Variants in LINGO2 observed in about 807,000 individuals in gnomAD.
LINGO2 encodes leucine rich repeat and Ig domain containing 2.
A neutral mutation model predicts 30.6 loss-of-function variants in LINGO2; 14 were observed. The ratio of observed to expected loss-of-function variants is 0.46; its 90% confidence interval spans 0.30 to 0.72. The LOEUF (loss-of-function observed/expected upper bound fraction) is 0.72, where lower values mean the gene tolerates loss of function less well. Among genes scored for constraint, LINGO2 ranks in the 30% least tolerant of loss-of-function variants. LINGO2 has a pLI of 0.07. For synonymous variants in LINGO2, 317 were observed against 288.5 expected (o/e 1.10, Z -1.00); for missense variants, 729 against 751.7 (o/e 0.97, Z 0.35).
intron 4 of LINGO2, among the ~76,000 whole-genome samples, chr9:28,191,961 A>G (rs969852209): frequency 1.3e-5 from 2 of 152,074 alleles, no homozygotes; most frequent in African/African-American, 4.8e-5. Flanking sequence ...TAACATCTAT[A>G]TTCTGTCGAC....
intron 1 of LINGO2, among the ~76,000 whole-genome samples, chr9:28,557,111 C>G (rs1822752743): frequency 6.6e-6 from 1 of 152,006 alleles, no homozygotes; most frequent in Non-Finnish European, 1.5e-5. Flanking sequence ...TCTAAAACAC[C>G]AAAAGCAATG....
Position 28,575,259 on chromosome 9 carries a change from G to A in LINGO2, c.-365+94941C>T, listed in dbSNP as rs181954993. 7.9e-5 allele frequency among the ~76,000 whole-genome samples: 12 copies of A among 151,998 alleles called. No individual in the cohort carries two copies. The East Asian group carries it at 1.2e-3, about 15-fold the overall frequency. On this transcript the variant is annotated intron_variant, in intron 1 of 5. Coordinates refer to ENST00000379992, the Ensembl canonical transcript of LINGO2. ...TCTAAGAATACAAAAATTAGCCTGCGCAGTGGCGGGCGCCTGTAATCCCAG... is the reference window on the plus strand; with the variant it reads ...TCTAAGAATACAAAAATTAGCCTGCACAGTGGCGGGCGCCTGTAATCCCAG...
the LINGO2 span, among the ~76,000 whole-genome samples, chr9:29,009,212 G>C: frequency 6.6e-6 from 1 of 152,030 alleles, no homozygotes; most frequent in South Asian, 2.1e-4. Context: ...AGAAATAAAG[G>C]GTATTCAGTT....
chr9:27,944,844 T>C (rs928055788), downstream of LINGO2, among the ~76,000 whole-genome samples: 1 of 152,066 alleles, frequency 6.6e-6, no homozygotes, highest in African/African-American at 2.4e-5. Context: ...ATGTGAGATA[T>C]AGGTGACTGG....
At chr9:28,778,454 T>C in the LINGO2 span, among the ~76,000 whole-genome samples, 2 of 152,188 alleles carry the variant, frequency 1.3e-5, no homozygotes, top group African/African-American at 4.8e-5. Context: ...GACACCACCT[T>C]ACTACTACAA....
rs80348812 is a variant in LINGO2, at chr9:28,037,345, G to T, written c.-86-24940C>A. Among the ~76,000 whole-genome samples the T allele has an allele frequency of 9.1e-3, 1,391 of 152,234 alleles. 23 individuals carry two copies. The highest frequency in any genetic ancestry group is 0.031 in the African/African-American group (1,285 of 41,522). ...TTCTAGACTTAAACTTTATACTCCA[G>T]TAAGACTAAATTGCTTACTATTTCA... is the stretch of plus-strand genomic sequence containing the variant. On this transcript the variant is annotated intron_variant, in intron 4 of 5. Transcript: ENST00000379992.
intron 4 of LINGO2, among the ~76,000 whole-genome samples, chr9:28,177,590 G>A (rs1411653114): frequency 6.6e-6 from 1 of 152,152 alleles, no homozygotes; most frequent in Non-Finnish European, 1.5e-5. Context: ...GATAAGGAAT[G>A]TAAAGCTTGG....
At chr9:28,774,378 G>T in the LINGO2 span, among the ~76,000 whole-genome samples, 2 of 151,796 alleles carry the variant, frequency 1.3e-5, no homozygotes, top group South Asian at 4.2e-4. Flanking sequence ...ATTTTTTTTG[G>T]CCATTGCCAA....
chr9:28,494,851 C>T (rs1042635616), intron 1 of LINGO2, among the ~76,000 whole-genome samples: 1 of 152,150 alleles, frequency 6.6e-6, no homozygotes, highest in African/African-American at 2.4e-5. Context: ...AAAAGTGTTC[C>T]TATTTCTCCA....
At chr9:28,336,756 G>T (rs1825603074) in intron 3 of LINGO2, among the ~76,000 whole-genome samples, 2 of 151,938 alleles carry the variant, frequency 1.3e-5, no homozygotes, top group Admixed American at 1.3e-4. Flanking sequence ...GTTGTGATAA[G>T]CTGTTCGTTT....
the LINGO2 span, among the ~76,000 whole-genome samples, chr9:28,702,752 A>G: frequency 6.6e-6 from 1 of 151,874 alleles, no homozygotes; most frequent in Non-Finnish European, 1.5e-5. Flanking sequence ...TTACCAGTGA[A>G]CCTGCCTTGC....
At chr9:29,206,635 A>G in the LINGO2 span, among the ~76,000 whole-genome samples, 1 of 152,228 alleles carries the variant, frequency 6.6e-6, no homozygotes, top group Middle Eastern at 3.4e-3. Flanking sequence ...CAACTTTTGT[A>G]TTGTTATTTT....
chr9:28,223,402 G>C (rs1021112657), intron 4 of LINGO2, among the ~76,000 whole-genome samples: 1 of 152,126 alleles, frequency 6.6e-6, no homozygotes, highest in African/African-American at 2.4e-5. Context: ...TTTTACAATG[G>C]CCTAAATCTC....
chr9:29,164,687 G>C, the LINGO2 span, among the ~76,000 whole-genome samples: 2 of 151,836 alleles, frequency 1.3e-5, no homozygotes, highest in Non-Finnish European at 2.9e-5. Flanking sequence ...TAGATAACCT[G>C]CCTCAGTCAA....
At chr9:28,807,767 G>A in the LINGO2 span, among the ~76,000 whole-genome samples, 1 of 152,076 alleles carries the variant, frequency 6.6e-6, no homozygotes, top group Non-Finnish European at 1.5e-5. Flanking sequence ...TAAAATGATA[G>A]GCTTTTTGCA....
intron 4 of LINGO2, among the ~76,000 whole-genome samples, chr9:28,035,666 A>G (rs186449111): frequency 6.6e-5 from 10 of 152,208 alleles, no homozygotes; most frequent in African/African-American, 2.4e-4. Flanking sequence ...AACATTTTTA[A>G]AATTCTATGA....
At chr9:28,566,135 G>A (rs1454654341) in intron 1 of LINGO2, among the ~76,000 whole-genome samples, 1 of 152,062 alleles carries the variant, frequency 6.6e-6, no homozygotes, top group African/African-American at 2.4e-5. Context: ...GGTATTAACT[G>A]AGTCCTAAAG....
intron 2 of LINGO2, among the ~76,000 whole-genome samples, chr9:28,430,822 A>C (rs1823637842): frequency 6.6e-6 from 1 of 152,018 alleles, no homozygotes; most frequent in Non-Finnish European, 1.5e-5. Flanking sequence ...CTCTCATTAC[A>C]TTGTGGTCAA....
At chr9:29,128,149 A>G in the LINGO2 span, among the ~76,000 whole-genome samples, 3 of 152,208 alleles carry the variant, frequency 2.0e-5, no homozygotes, top group Admixed American at 6.5e-5. Context: ...TCGAGGGAAA[A>G]CATACAAAGT....
Sources: allele counts gnomAD v4.1 joint callset (sites outside exome capture counted in the v4.1 genomes callset), GRCh38; gene constraint gnomAD v4.1.1; transcripts MANE v1.5; gene names NCBI Gene and HGNC (gene_info 2026-07-23, HGNC 2026-07-21).